ABL2: variants seen among roughly 807,000 people sequenced by gnomAD.
ABL2 encodes ABL proto-oncogene 2, non-receptor tyrosine kinase, also known as tyrosine-protein kinase ABL2.
Under a neutral mutation model 107.7 loss-of-function variants are expected in ABL2, and 49 were observed. The ratio of observed to expected loss-of-function variants is 0.45; its 90% confidence interval spans 0.36 to 0.58. ABL2 has a LOEUF of 0.58. ABL2 is among the 20% of genes least tolerant of loss of function. The pLI is 0.00. For missense variants in ABL2, 1,245 were observed against 1,457.0 expected (o/e 0.85, Z 2.37); for synonymous variants, 549 against 548.6 (o/e 1.00, Z -0.01).
chr1:179,173,288 G>A (rs1448874164), intron 1 of ABL2, among the ~76,000 whole-genome samples: 2 of 150,290 alleles, frequency 1.3e-5, no homozygotes, highest in East Asian at 3.9e-4. Flanking sequence ...TATTTTGAAA[G>A]TATGTTTTAG....
At chr1:179,114,445 A>G (rs1654421146) in intron 9 of ABL2, among the ~76,000 whole-genome samples, 1 of 152,112 alleles carries the variant, frequency 6.6e-6, no homozygotes, top group Non-Finnish European at 1.5e-5. Context: ...ACACAAATAA[A>G]CAAACAAACA....
chr1:179,113,198 G>C (rs1654273864), intron 9 of ABL2, among the ~76,000 whole-genome samples: 2 of 152,178 alleles, frequency 1.3e-5, no homozygotes, highest in Admixed American at 1.3e-4. Context: ...ACAGGTGTGA[G>C]CCACTGCACC....
chr1:179,178,554 A>C (rs1371576143), intron 1 of ABL2, among the ~76,000 whole-genome samples: 1 of 152,116 alleles, frequency 6.6e-6, no homozygotes, highest in Non-Finnish European at 1.5e-5. Flanking sequence ...AACAGAGAGA[A>C]TAAAAACTTA....
chr1:179,184,659 G>T, intron 1 of ABL2: 1 of 494,786 alleles, frequency 2.0e-6, no homozygotes, highest in Non-Finnish European at 3.7e-6. Flanking sequence ...ATGATAAAGG[G>T]AAGGAAGGAC....
intron 1 of ABL2, among the ~76,000 whole-genome samples, chr1:179,148,477 G>A (rs890273423): frequency 6.6e-6 from 1 of 152,118 alleles, no homozygotes; most frequent in African/African-American, 2.4e-5. Flanking sequence ...TGTCACTACT[G>A]TCATTGTTTT....
chr1:179,106,806 T>C lies in ABL2; in HGVS notation c.*912A>G, dbSNP rs1290837951. On this transcript the variant is annotated 3_prime_UTR_variant, in exon 12 of 12. Transcript: ENST00000502732. ...GGGAACTGTATCAGAACAGGATTCA[T>C]TCCTTTGTGAGAACCTGTAGGGACT... 8.6e-6 allele frequency: 2 copies of C among 231,296 alleles called. No homozygotes were observed. The highest frequency in any genetic ancestry group is 1.7e-5 in the Non-Finnish European group (2 of 116,930). The allele number at this position is 231,296 out of a possible 1,614,324, so 14.3% of individuals were successfully genotyped here. A position where few individuals can be genotyped will look rare whatever the true frequency, so the allele number is the denominator to read the frequency against.
At chr1:179,181,913 CG>C (rs1557980369) in intron 1 of ABL2, among the ~76,000 whole-genome samples, 1 of 149,638 alleles carries the variant, frequency 6.7e-6, no homozygotes. Flanking sequence ...CCTGAGTAGC[CG>C]GGACTATAGT....
chr1:179,208,139 G>A (rs1482039584), intron 1 of ABL2, among the ~76,000 whole-genome samples: 1 of 152,092 alleles, frequency 6.6e-6, no homozygotes, highest in African/African-American at 2.4e-5. Flanking sequence ...AAAGTGAATT[G>A]TATATGTTAT....
chr1:179,152,917 A>G (rs546656160), intron 1 of ABL2, among the ~76,000 whole-genome samples: 1 of 152,190 alleles, frequency 6.6e-6, no homozygotes, highest in African/African-American at 2.4e-5. Context: ...ACAAATATTA[A>G]ATCTCTGGTT....
intron 1 of ABL2, among the ~76,000 whole-genome samples, chr1:179,190,576 TC>T (rs1055025286): frequency 6.6e-6 from 1 of 151,280 alleles, no homozygotes; most frequent in East Asian, 2.0e-4. Context: ...TTTCAGCCTC[TC>T]CCCCCTCCAC....
chr1:179,141,633 C>T (rs1657598315), intron 1 of ABL2, among the ~76,000 whole-genome samples: 1 of 152,148 alleles, frequency 6.6e-6, no homozygotes, highest in African/African-American at 2.4e-5. Flanking sequence ...TTCCCCATTC[C>T]CCTTCTTCCC....
chr1:179,171,806 T>C (rs976780311), intron 1 of ABL2, among the ~76,000 whole-genome samples: 3 of 152,230 alleles, frequency 2.0e-5, no homozygotes, highest in Non-Finnish European at 2.9e-5. Context: ...CCACCATGAC[T>C]AGCCTGACTT....
intron 5 of ABL2, 48 bp from the exon 6 acceptor site, chr1:179,120,322 C>T (rs1367295682): frequency 8.2e-7 from 1 of 1,223,110 alleles, no homozygotes; most frequent in Admixed American, 2.0e-5. Context: ...GGGACAAACC[C>T]TCAACTTAAA....
chr1:179,150,764 G>A (rs1658310138), intron 1 of ABL2, among the ~76,000 whole-genome samples: 1 of 152,162 alleles, frequency 6.6e-6, no homozygotes, highest in African/African-American at 2.4e-5. Flanking sequence ...CTGTCAAAAA[G>A]CACTGCATTC....
At chr1:179,221,328 C>T (rs1005244667) in intron 1 of ABL2, among the ~76,000 whole-genome samples, 13 of 152,174 alleles carry the variant, frequency 8.5e-5, no homozygotes. Flanking sequence ...CAGTGGCTCA[C>T]ATTTGTAGTC....
In ABL2 at chr1:179,229,225, T is replaced by G. The variant is rs1278519765; in HGVS notation, c.157+16A>C. On this transcript the variant is annotated intron_variant, in intron 1 of 11. Coordinates refer to ENST00000502732, the MANE Select transcript of ABL2 (RefSeq NM_007314.4). ...GCCTCCCCCACGCTCTCATGCCGGC[T>G]CCCAGACACACTCACCATGCTGGGT... is the stretch of plus-strand genomic sequence containing the variant. The G allele has an allele frequency of 1.5e-5, 18 of 1,209,576 alleles. No individual in the cohort carries two copies. In the South Asian group the frequency reaches 2.3e-4, roughly 16 times the overall value. 74.9% of individuals were successfully genotyped at this position (1,209,576 alleles called of 1,614,324 possible). A position where few individuals can be genotyped will look rare whatever the true frequency, so the allele number is the denominator to read the frequency against.
chr1:179,105,456 C>T lies in ABL2; in HGVS notation c.*2262G>A. The T allele has an allele frequency of 4.3e-6, 1 of 230,758 alleles. No homozygotes were observed. Among genetic ancestry groups the T allele is most frequent in the Non-Finnish European group, 8.6e-6 (1 of 116,486 alleles). The allele number at this position is 230,758 out of a possible 1,614,324, so 14.3% of individuals were successfully genotyped here. On this transcript the variant is annotated 3_prime_UTR_variant, in exon 12 of 12. Transcript: ENST00000502732. ...ATCCTCGACCTTAAAAGGCTAGCTG[C>T]TAAAACGAGTTCTTCAAGTTTACGG...
chr1:179,167,284 T>C (rs1659443269), intron 1 of ABL2, among the ~76,000 whole-genome samples: 1 of 152,130 alleles, frequency 6.6e-6, no homozygotes, highest in African/African-American at 2.4e-5. Flanking sequence ...CTGAGGGTCA[T>C]TATGTTAAGT....
chr1:179,218,147 G>A (rs1662677088), intron 1 of ABL2, among the ~76,000 whole-genome samples: 1 of 152,050 alleles, frequency 6.6e-6, no homozygotes, highest in South Asian at 2.1e-4. Flanking sequence ...TCAAGAATGA[G>A]TCAGCAGAAC....
Sources: gnomAD v4.1 joint callset for allele counts (sites outside exome capture counted in the v4.1 genomes callset) on GRCh38, gnomAD v4.1.1 for gene constraint, MANE v1.5 for transcripts, NCBI Gene and HGNC (gene_info 2026-07-23, HGNC 2026-07-21) for gene names.